GRIP1: variants seen among roughly 807,000 people sequenced by gnomAD.
GRIP1 encodes the protein glutamate receptor-interacting protein 1.
GRIP1 carries 45 observed loss-of-function variants against 129.9 expected under a neutral mutation model. That is an observed-to-expected ratio of 0.35 (90% CI 0.27 to 0.44). The LOEUF is 0.44. Ranked by LOEUF, GRIP1 falls within the 20% of genes least tolerant of loss-of-function variation. GRIP1 has a pLI of 1.00. For missense variants in GRIP1, 1,196 were observed against 1,396.8 expected (o/e 0.86, Z 2.29); for synonymous variants, 530 against 520.8 (o/e 1.02, Z -0.24).
intron 1 of GRIP1, among the ~76,000 whole-genome samples, chr12:66,747,234 A>C (rs2036977735): frequency 6.6e-6 from 1 of 152,186 alleles, no homozygotes; most frequent in African/African-American, 2.4e-5. Context: ...TGAGTAAATA[A>C]AATTTATATC....
At chr12:66,939,981 A>C (rs2041557428) in intron 1 of GRIP1, among the ~76,000 whole-genome samples, 1 of 152,216 alleles carries the variant, frequency 6.6e-6, no homozygotes. Context: ...TATCTTTCAA[A>C]AAATACAATA....
chr12:66,831,190 G>C (rs1465055662), intron 1 of GRIP1, among the ~76,000 whole-genome samples: 1 of 152,070 alleles, frequency 6.6e-6, no homozygotes, highest in Non-Finnish European at 1.5e-5. Flanking sequence ...CTCAAAAAAA[G>C]TAATATCTGA....
intron 15 of GRIP1, among the ~76,000 whole-genome samples, chr12:66,420,415 G>GTTT (rs71096102): frequency 0.013 from 1,676 of 127,846 alleles, 52 homozygotes; most frequent in African/African-American, 0.034. Context: ...TACTTTCAGG[G>GTTT]TTTTTTTTTT....
intron 1 of GRIP1, among the ~76,000 whole-genome samples, chr12:67,010,638 A>C (rs1565637561): frequency 6.6e-6 from 1 of 152,172 alleles, no homozygotes; most frequent in Non-Finnish European, 1.5e-5. Context: ...ATGATTAGCC[A>C]GAAGAAAAAA....
chr12:66,545,190 G>C (rs1032679276), intron 2 of GRIP1, among the ~76,000 whole-genome samples: 1 of 152,048 alleles, frequency 6.6e-6, no homozygotes, highest in Non-Finnish European at 1.5e-5. Context: ...AAATGGTATA[G>C]GTTTACAGCT....
intron 11 of GRIP1, among the ~76,000 whole-genome samples, chr12:66,452,159 G>A (rs1248252419): frequency 6.6e-6 from 1 of 152,182 alleles, no homozygotes; most frequent in Non-Finnish European, 1.5e-5. Context: ...CAGAAAGCAG[G>A]GCAAACTAGC....
intron 23 of GRIP1, among the ~76,000 whole-genome samples, chr12:66,356,510 A>G (rs2054496306): frequency 6.6e-6 from 1 of 152,116 alleles, no homozygotes; most frequent in Admixed American, 6.5e-5. Flanking sequence ...CCTCTTTCCT[A>G]AGGAAAGGAA....
intron 1 of GRIP1, among the ~76,000 whole-genome samples, chr12:66,900,046 C>A (rs2040820343): frequency 1.3e-5 from 2 of 151,736 alleles, no homozygotes; most frequent in Admixed American, 1.3e-4. Context: ...CTGAAAATGT[C>A]CTCTTGAATG....
rs543696701 is a variant in GRIP1 at position 66,497,571 on chromosome 12, G to A, written c.724+18048C>T. Among the ~76,000 whole-genome samples the A allele has an allele frequency of 1.1e-4, 16 of 152,326 alleles. 1 individual carries two copies. In the East Asian group the frequency reaches 3.1e-3, roughly 29 times the overall value. On this transcript the variant is annotated intron_variant, in intron 7 of 24. Transcript: ENST00000359742. ...GGTGGCAATTCTGGGTAAAGGGCATGTAGGATTTGGAGGCAAGGCACAGAT... is the reference window on the plus strand; with the variant it reads ...GGTGGCAATTCTGGGTAAAGGGCATATAGGATTTGGAGGCAAGGCACAGAT...
chr12:66,507,263 C>G (rs1256373956), intron 7 of GRIP1, among the ~76,000 whole-genome samples: 1 of 151,936 alleles, frequency 6.6e-6, no homozygotes, highest in Non-Finnish European at 1.5e-5. Flanking sequence ...ATGGTGAAAC[C>G]CTGTCTCTAC....
chr12:67,002,883 A>G (rs1288881739), intron 1 of GRIP1, among the ~76,000 whole-genome samples: 1 of 152,122 alleles, frequency 6.6e-6, no homozygotes, highest in Non-Finnish European at 1.5e-5. Context: ...TTTTTGCCAT[A>G]AGGGAAGGGT....
intron 14 of GRIP1, among the ~76,000 whole-genome samples, chr12:66,422,348 T>G (rs1017405814): frequency 2.0e-5 from 3 of 152,224 alleles, no homozygotes; most frequent in African/African-American, 7.2e-5. Flanking sequence ...TAATTCATAA[T>G]TTAAAACTTC....
At chr12:66,629,380 T>C (rs1338538629) in intron 1 of GRIP1, among the ~76,000 whole-genome samples, 2 of 152,138 alleles carry the variant, frequency 1.3e-5, no homozygotes, top group African/African-American at 2.4e-5. Flanking sequence ...GTTATCAGAG[T>C]GGCACTGTCA....
intron 1 of GRIP1, among the ~76,000 whole-genome samples, chr12:66,605,074 T>C (rs1157697308): frequency 1.3e-5 from 2 of 150,600 alleles, no homozygotes; most frequent in Non-Finnish European, 3.0e-5. Context: ...TACATATATA[T>C]ATATTCACAA....
intron 1 of GRIP1, among the ~76,000 whole-genome samples, chr12:66,695,078 C>T (rs1374315669): frequency 6.6e-6 from 1 of 152,180 alleles, no homozygotes; most frequent in East Asian, 1.9e-4. Flanking sequence ...CTGTCTCTAA[C>T]CAAGTCATAA....
At chr12:66,565,689 G>A (rs2062728774) in intron 2 of GRIP1, among the ~76,000 whole-genome samples, 1 of 152,110 alleles carries the variant, frequency 6.6e-6, no homozygotes, top group African/African-American at 2.4e-5. Context: ...GATGGGGATG[G>A]CATTGAATCT....
At chr12:66,592,119 C>G (rs555980736) in intron 2 of GRIP1, among the ~76,000 whole-genome samples, 1 of 152,256 alleles carries the variant, frequency 6.6e-6, no homozygotes, top group African/African-American at 2.4e-5. Flanking sequence ...ACATTTGGAA[C>G]AGAGAGGGCA....
At chr12:66,532,127 C>T (rs1013547616) in intron 4 of GRIP1, among the ~76,000 whole-genome samples, 3 of 152,276 alleles carry the variant, frequency 2.0e-5, no homozygotes, top group Non-Finnish European at 2.9e-5. Context: ...CGCTATTGTT[C>T]TCCATCATTT....
intron 7 of GRIP1, among the ~76,000 whole-genome samples, chr12:66,504,333 A>C (rs998800471): frequency 2.6e-5 from 4 of 152,154 alleles, no homozygotes; most frequent in African/African-American, 9.7e-5. Context: ...GGGTGTAAAA[A>C]ATGGGGATTA....
Sources: gnomAD v4.1 joint callset for allele counts (sites outside exome capture counted in the v4.1 genomes callset) on GRCh38, gnomAD v4.1.1 for gene constraint, MANE v1.5 for transcripts, NCBI Gene and HGNC (gene_info 2026-07-23, HGNC 2026-07-21) for gene names.